Variants in EDEM1 observed in about 807,000 individuals in gnomAD.
EDEM1 encodes the protein ER degradation-enhancing alpha-mannosidase-like protein 1.
In EDEM1, 67 loss-of-function variants were observed where a neutral mutation model predicts 74.4. The ratio of observed to expected loss-of-function variants is 0.90; its 90% confidence interval spans 0.74 to 1.10. The LOEUF is 1.10. EDEM1 is among the 50% of genes least tolerant of loss of function. The pLI is 0.00. For missense variants in EDEM1, 926 were observed against 851.6 expected, an observed-to-expected ratio of 1.09 and a Z score of -1.09; for synonymous variants, 382 against 335.9, an observed-to-expected ratio of 1.14 and a Z score of -1.50.
At chr3:5,208,784 C>T (rs991465035) in intron 8 of EDEM1, among the ~76,000 whole-genome samples, 8 of 151,514 alleles carry the variant, frequency 5.3e-5, no homozygotes, top group African/African-American at 1.9e-4. Context: ...CACACACACA[C>T]ACACATATAT....
chr3:5,212,260 CACAGAT>C (rs2055176725), intron 10 of EDEM1, among the ~76,000 whole-genome samples: 1 of 152,204 alleles, frequency 6.6e-6, no homozygotes, highest in Non-Finnish European at 1.5e-5. Context: ...GGGGTCTTTT[CACAGAT>C]GACTGCAGAG....
At chr3:5,211,372 C>G in intron 10 of EDEM1, 156 bp downstream of exon 10, 2 of 672,592 alleles carry the variant, frequency 3.0e-6, no homozygotes, top group East Asian at 2.8e-5. Flanking sequence ...AAGGATATTA[C>G]TATCTTCTTT....
intron 5 of EDEM1, among the ~76,000 whole-genome samples, chr3:5,204,591 C>T (rs1559297620): frequency 6.6e-6 from 1 of 152,086 alleles, no homozygotes; most frequent in Non-Finnish European, 1.5e-5. Context: ...AGAGTTTCAC[C>T]ATGTTGCCCA....
intron 1 of EDEM1, among the ~76,000 whole-genome samples, chr3:5,190,959 A>T (rs1364026579): frequency 1.3e-5 from 2 of 152,186 alleles, no homozygotes; most frequent in African/African-American, 4.8e-5. Flanking sequence ...TGGCACAGGC[A>T]TGCAATTTGT....
intron 5 of EDEM1, among the ~76,000 whole-genome samples, chr3:5,203,894 G>C (rs2055063852): frequency 6.6e-6 from 1 of 152,048 alleles, no homozygotes; most frequent in Non-Finnish European, 1.5e-5. Context: ...ACCATGTCCA[G>C]CTAATTTTGT....
At chr3:5,192,052 C>T (rs142781607) in intron 1 of EDEM1, among the ~76,000 whole-genome samples, 24 of 152,366 alleles carry the variant, frequency 1.6e-4, no homozygotes, top group African/African-American at 5.3e-4. Flanking sequence ...ATGGCCTCCT[C>T]TGCATTCCTC....
chr3:5,216,051 C>T lies in EDEM1; in HGVS notation c.*133C>T, dbSNP rs1286956931. The T allele has an allele frequency of 1.5e-6, 1 of 663,026 alleles. No homozygotes were observed. The highest frequency in any genetic ancestry group is 2.6e-6 in the Non-Finnish European group (1 of 386,164). The allele number at this position is 663,026 out of a possible 1,614,324, so 41.1% of individuals were successfully genotyped here. A position where few individuals can be genotyped will look rare whatever the true frequency, so the allele number is the denominator to read the frequency against. ...TGGTGTAGGAATTTCTGTGCAACAC[C>T]TCACCACGTCTGGTTAATCCTTGCA... is the stretch of plus-strand genomic sequence containing the variant. On this transcript the variant is annotated 3_prime_UTR_variant, in exon 12 of 12. Coordinates refer to ENST00000256497, the MANE Select transcript of EDEM1 (RefSeq NM_014674.3).
At chr3:5,199,476 T>A in intron 2 of EDEM1, 116 bp from the exon 3 acceptor site, 1 of 671,054 alleles carries the variant, frequency 1.5e-6, no homozygotes, top group Non-Finnish European at 2.5e-6. Flanking sequence ...GTGTTTCTAC[T>A]CCTATGGTAG....
At chr3:5,208,921 T>C (rs2055134402) in intron 8 of EDEM1, among the ~76,000 whole-genome samples, 1 of 152,146 alleles carries the variant, frequency 6.6e-6, no homozygotes, top group Non-Finnish European at 1.5e-5. Context: ...CATACATATA[T>C]ACACACTGAG....
intron 2 of EDEM1, among the ~76,000 whole-genome samples, chr3:5,195,574 T>C (rs1413976293): frequency 6.6e-6 from 1 of 152,218 alleles, no homozygotes; most frequent in African/African-American, 2.4e-5. Flanking sequence ...GAACCCATAA[T>C]GAAGCTCATT....
chr3:5,211,330 G>A, intron 10 of EDEM1, 114 bp downstream of exon 10: 1 of 1,004,072 alleles, frequency 1.0e-6, no homozygotes, highest in Non-Finnish European at 1.5e-6. Flanking sequence ...TGGACATTGT[G>A]CATTCCCAGG....
intron 1 of EDEM1, among the ~76,000 whole-genome samples, chr3:5,191,787 G>GTCTT (rs1384810177): frequency 6.6e-6 from 1 of 152,148 alleles, no homozygotes; most frequent in East Asian, 1.9e-4. Context: ...GAGCAGATCT[G>GTCTT]TCTAAGATAA....
intron 4 of EDEM1, 145 bp downstream of exon 4, chr3:5,202,069 TA>T (rs2055041298): frequency 5.8e-6 from 6 of 1,029,218 alleles, no homozygotes; most frequent in Admixed American, 3.2e-5. Context: ...TGGCCTTAAA[TA>T]TGATGTAAAT....
Position 5,187,874 on chromosome 3 carries a change from C to A in EDEM1, c.69C>A (p.Leu23=). The A allele has an allele frequency of 6.3e-7, 1 of 1,599,474 alleles. No individual in the cohort carries two copies. The highest frequency in any genetic ancestry group is 8.5e-7 in the Non-Finnish European group (1 of 1,174,618). The stretch of plus-strand genomic sequence containing the variant: ...TTGGCCTCCATGGAGTATTGTGGCT[C>A]GTCTTCGGGCTGGGGCCCAGCATGG... ...LRLGLHGVLW[L]VFGLGPSMGF... The change falls in exon 1 of 12, where the codon CTC becomes CTA. Residue 23 remains leucine (L), a synonymous_variant. Transcript: ENST00000256497.
intron 5 of EDEM1, 116 bp from the exon 6 acceptor site, chr3:5,204,951 G>A: frequency 8.8e-7 from 1 of 1,132,630 alleles, no homozygotes; most frequent in Non-Finnish European, 1.3e-6. Context: ...TCCTTCTCCT[G>A]TATGCCAAGG....
At position 5,219,839 on chromosome 3, in the gene EDEM1, A is replaced by C. The variant is rs1256618380; in HGVS notation, c.*3921A>C. 1.3e-5 allele frequency: 2 copies of C among 152,670 alleles called. No individual in the cohort carries two copies. Among genetic ancestry groups the C allele is most frequent in the Non-Finnish European group, 2.9e-5 (2 of 68,044 alleles). The allele number at this position is 152,670 out of a possible 1,614,324, so 9.5% of individuals were successfully genotyped here. A position where few individuals can be genotyped will look rare whatever the true frequency, so the allele number is the denominator to read the frequency against. On this transcript the variant is annotated 3_prime_UTR_variant, in exon 12 of 12. Transcript: ENST00000256497. ...TAAATAAGAAATGTATTTAAATTAA[A>C]AGGGATCTTTTTGTAAAAGGACCAA...
At chr3:5,213,028 A>G (rs1210788043) in intron 10 of EDEM1, among the ~76,000 whole-genome samples, 1 of 152,146 alleles carries the variant, frequency 6.6e-6, no homozygotes, top group Non-Finnish European at 1.5e-5. Flanking sequence ...ACTTTTATAG[A>G]CTACCTGTGC....
intron 11 of EDEM1, among the ~76,000 whole-genome samples, chr3:5,215,609 T>C (rs976718305): frequency 2.6e-5 from 4 of 152,202 alleles, no homozygotes; most frequent in Non-Finnish European, 1.5e-5. Context: ...GGAGACGTTT[T>C]TGATTTTCAC....
intron 10 of EDEM1, among the ~76,000 whole-genome samples, chr3:5,212,402 C>A (rs187828221): frequency 6.6e-6 from 1 of 152,274 alleles, no homozygotes; most frequent in East Asian, 1.9e-4. Flanking sequence ...TCAGGCTGGT[C>A]AGAGCCTAGC....
Sources: allele counts gnomAD v4.1 joint callset (sites outside exome capture counted in the v4.1 genomes callset), GRCh38; gene constraint gnomAD v4.1.1; transcripts MANE v1.5; gene names NCBI Gene and HGNC (gene_info 2026-07-23, HGNC 2026-07-21).